ZRANB3: variants seen among roughly 807,000 people sequenced by gnomAD.
ZRANB3 encodes DNA annealing helicase and endonuclease ZRANB3.
ZRANB3 carries 125 observed loss-of-function variants against 133.8 expected under a neutral mutation model. That is an observed-to-expected ratio of 0.93 (90% CI 0.81 to 1.08). The LOEUF is 1.08. ZRANB3 is among the 50% of genes least tolerant of loss of function. ZRANB3 has a pLI of 0.00. For missense variants in ZRANB3, 1,229 were observed against 1,275.5 expected (o/e 0.96, Z 0.56); for synonymous variants, 387 against 432.7 (o/e 0.89, Z 1.31).
At chr2:135,273,375 T>G (rs1680632899) in intron 9 of ZRANB3, among the ~76,000 whole-genome samples, 1 of 152,134 alleles carries the variant, frequency 6.6e-6, no homozygotes, top group African/African-American at 2.4e-5. Context: ...GAATGTCCCG[T>G]ATTAACGTTC....
intron 2 of ZRANB3, among the ~76,000 whole-genome samples, chr2:135,440,879 A>G (rs969685908): frequency 2.6e-5 from 4 of 152,170 alleles, no homozygotes; most frequent in African/African-American, 9.6e-5. Flanking sequence ...ACTTATGAGA[A>G]CAAATAATTA....
At chr2:135,236,819 C>G (rs1293611254) in intron 12 of ZRANB3, among the ~76,000 whole-genome samples, 2 of 152,172 alleles carry the variant, frequency 1.3e-5, no homozygotes, top group African/African-American at 2.4e-5. Flanking sequence ...CCATGTTAGA[C>G]CTAAAACCAT....
intron 2 of ZRANB3, among the ~76,000 whole-genome samples, chr2:135,465,556 T>C (rs778580364): frequency 3.3e-5 from 5 of 152,326 alleles, no homozygotes; most frequent in East Asian, 3.9e-4. Flanking sequence ...GTTCTGAAAA[T>C]TGATTCAATC....
At chr2:135,276,678 A>T (rs1680843072) in intron 8 of ZRANB3, among the ~76,000 whole-genome samples, 1 of 152,238 alleles carries the variant, frequency 6.6e-6, no homozygotes. Flanking sequence ...TGTTTAAAAG[A>T]TAGCAAGTGT....
At chr2:135,414,749 ACTCT>A (rs1204477465) in intron 2 of ZRANB3, among the ~76,000 whole-genome samples, 4 of 152,102 alleles carry the variant, frequency 2.6e-5, no homozygotes, top group Non-Finnish European at 2.9e-5. Context: ...ATTATAACAA[ACTCT>A]CTCTCAGACC....
intron 9 of ZRANB3, among the ~76,000 whole-genome samples, chr2:135,275,078 C>G (rs1411028688): frequency 6.6e-6 from 1 of 152,244 alleles, no homozygotes; most frequent in South Asian, 2.1e-4. Flanking sequence ...CCACATTTCC[C>G]CCTTTTCTAT....
intron 6 of ZRANB3, among the ~76,000 whole-genome samples, chr2:135,338,019 G>T (rs900000789): frequency 2.6e-5 from 4 of 152,178 alleles, no homozygotes; most frequent in African/African-American, 9.7e-5. Flanking sequence ...TATAAGAAAT[G>T]CTTCTCCAAG....
At chr2:135,283,205 A>G (rs534344042) in intron 8 of ZRANB3, among the ~76,000 whole-genome samples, 1 of 152,280 alleles carries the variant, frequency 6.6e-6, no homozygotes, top group Admixed American at 6.5e-5. Flanking sequence ...GGATTGCTTG[A>G]GCCTGGGAGG....
At chr2:135,373,060 A>G (rs562230529) in intron 3 of ZRANB3, among the ~76,000 whole-genome samples, 387 of 142,358 alleles carry the variant, frequency 2.7e-3, no homozygotes, top group Non-Finnish European at 3.9e-3. Context: ...CTCCATCTCG[A>G]AAAAAAAAAA....
At chr2:135,209,637 A>G (rs1433666700) in intron 17 of ZRANB3, among the ~76,000 whole-genome samples, 1 of 152,236 alleles carries the variant, frequency 6.6e-6, no homozygotes, top group Non-Finnish European at 1.5e-5. Flanking sequence ...AAGAGAAGTT[A>G]TTCCCATTAA....
At chr2:135,411,701 C>G (rs1688310053) in intron 2 of ZRANB3, among the ~76,000 whole-genome samples, 1 of 152,118 alleles carries the variant, frequency 6.6e-6, no homozygotes, top group African/African-American at 2.4e-5. Context: ...CATGTTCTCA[C>G]TTATAAGTGG....
At chr2:135,314,348 T>A (rs1373016898) in intron 7 of ZRANB3, among the ~76,000 whole-genome samples, 1 of 152,240 alleles carries the variant, frequency 6.6e-6, no homozygotes, top group Non-Finnish European at 1.5e-5. Flanking sequence ...TGATTCCATT[T>A]TATTTTTCTT....
chr2:135,458,784 A>G (rs1453799587), intron 2 of ZRANB3, among the ~76,000 whole-genome samples: 1 of 152,134 alleles, frequency 6.6e-6, no homozygotes, highest in Non-Finnish European at 1.5e-5. Flanking sequence ...TTTTAAATTG[A>G]GTTGTAGGGT....
At chr2:135,400,395 G>T (rs1360490146) in intron 2 of ZRANB3, among the ~76,000 whole-genome samples, 4 of 151,952 alleles carry the variant, frequency 2.6e-5, no homozygotes, top group Non-Finnish European at 4.4e-5. Flanking sequence ...GCCCAGGCTG[G>T]AGTACAATGG....
chr2:135,210,501 AT>A (rs1694049826), intron 17 of ZRANB3, among the ~76,000 whole-genome samples: 1 of 151,730 alleles, frequency 6.6e-6, no homozygotes. Context: ...TTGGCCAATT[AT>A]TGTATTTTTA....
chr2:135,358,386 G>A (rs550345708), intron 3 of ZRANB3, among the ~76,000 whole-genome samples: 34 of 152,280 alleles, frequency 2.2e-4, no homozygotes, highest in African/African-American at 7.5e-4. Context: ...GAAGCAGCCT[G>A]TTTGACTTAT....
intron 2 of ZRANB3, among the ~76,000 whole-genome samples, chr2:135,471,221 A>G (rs1188121436): frequency 6.6e-6 from 1 of 152,076 alleles, no homozygotes; most frequent in Non-Finnish European, 1.5e-5. Flanking sequence ...GTGTAAAGAG[A>G]AAGTGTACAT....
At chr2:135,404,076 C>A (rs1207461715) in intron 2 of ZRANB3, among the ~76,000 whole-genome samples, 1 of 152,184 alleles carries the variant, frequency 6.6e-6, no homozygotes, top group Non-Finnish European at 1.5e-5. Context: ...CAGCTCCTCA[C>A]CAGCAACGGA....
At chr2:135,203,649 T>G (rs749693773) in intron 19 of ZRANB3, among the ~76,000 whole-genome samples, 7 of 150,544 alleles carry the variant, frequency 4.6e-5, no homozygotes, top group Non-Finnish European at 1.0e-4. Context: ...TTAAAACTTC[T>G]CAATACTACT....
Sources: gnomAD v4.1 joint callset for allele counts (sites outside exome capture counted in the v4.1 genomes callset) on GRCh38, gnomAD v4.1.1 for gene constraint, MANE v1.5 for transcripts, NCBI Gene and HGNC (gene_info 2026-07-23, HGNC 2026-07-21) for gene names.